The following ULK4 variants were observed in gnomAD, a reference collection of about 807,000 sequenced individuals.
The protein encoded by ULK4 is inactive serine/threonine-protein kinase ULK4.
Under a neutral mutation model 160.6 loss-of-function variants are expected in ULK4, and 133 were observed. The ratio of observed to expected loss-of-function variants is 0.83; its 90% confidence interval spans 0.72 to 0.96. The LOEUF (loss-of-function observed/expected upper bound fraction) is 0.96. Among genes scored for constraint, ULK4 ranks in the 40% least tolerant of loss-of-function variants. The pLI is 0.00. For synonymous variants in ULK4, 534 were observed against 539.8 expected, an observed-to-expected ratio of 0.99 and a Z score of 0.15; for missense variants, 1,580 against 1,499.5, an observed-to-expected ratio of 1.05 and a Z score of -0.89.
At chr3:41,722,159 A>G (rs1475988564) in intron 22 of ULK4, among the ~76,000 whole-genome samples, 1 of 152,174 alleles carries the variant, frequency 6.6e-6, no homozygotes, top group Admixed American at 6.5e-5. Context: ...GGTAGCTGCT[A>G]TCATCACCAC....
chr3:41,650,304 C>G (rs1019213974), intron 30 of ULK4, among the ~76,000 whole-genome samples: 1 of 152,218 alleles, frequency 6.6e-6, no homozygotes, highest in South Asian at 2.1e-4. Flanking sequence ...CTGAAACACA[C>G]CCCCTGCTCG....
At chr3:41,768,967 A>C (rs2039261596) in intron 21 of ULK4, among the ~76,000 whole-genome samples, 1 of 152,182 alleles carries the variant, frequency 6.6e-6, no homozygotes, top group South Asian at 2.1e-4. Flanking sequence ...AATCAAAAAA[A>C]TCCTAAGTCA....
rs73830259 is a variant in ULK4 at position 41,579,854 on chromosome 3, C to G, written c.3121-13724G>C. Among the ~76,000 whole-genome samples, 507 of 152,260 alleles carry G rather than the reference C, an allele frequency of 3.3e-3. 3 individuals carry two copies. Among genetic ancestry groups the G allele is most frequent in the African/African-American group, 0.012 (483 of 41,534 alleles). On this transcript the variant is annotated intron_variant, in intron 31 of 36. Transcript: ENST00000301831. ...CCTGCTGACCCGCATGTTGGAGAGA[C>G]GTGCACAGACAGCAGCTCTGTTGCT...
intron 17 of ULK4, among the ~76,000 whole-genome samples, chr3:41,852,336 T>A (rs1470069014): frequency 6.6e-6 from 1 of 152,222 alleles, no homozygotes; most frequent in Admixed American, 6.5e-5. Flanking sequence ...TTAAAAAGTA[T>A]ACTGATCAAT....
intron 18 of ULK4, among the ~76,000 whole-genome samples, chr3:41,822,722 A>ATTTTTTT (rs1199516780): frequency 0.083 from 9,004 of 109,090 alleles, 597 homozygotes; most frequent in Middle Eastern, 0.2. Context: ...CCGGGCTGAG[A>ATTTTTTT]TTTTTTTTTT....
intron 35 of ULK4, among the ~76,000 whole-genome samples, chr3:41,354,943 T>C (rs2080998721): frequency 6.6e-6 from 1 of 152,216 alleles, no homozygotes; most frequent in South Asian, 2.1e-4. Flanking sequence ...GATGGCTATC[T>C]TTCCCTTCTC....
intron 35 of ULK4, among the ~76,000 whole-genome samples, chr3:41,377,497 A>C (rs1242673600): frequency 6.7e-6 from 1 of 150,246 alleles, no homozygotes; most frequent in East Asian, 2.0e-4. Context: ...TAATATCAAG[A>C]ATCTACAATG....
At chr3:41,666,927 T>G (rs1042583542) in intron 29 of ULK4, among the ~76,000 whole-genome samples, 1 of 152,068 alleles carries the variant, frequency 6.6e-6, no homozygotes, top group African/African-American at 2.4e-5. Context: ...GAGAATTACA[T>G]GAGTCCAGGA....
intron 31 of ULK4, among the ~76,000 whole-genome samples, chr3:41,603,462 CAGA>C (rs1033080046): frequency 3.9e-5 from 6 of 152,062 alleles, no homozygotes; most frequent in African/African-American, 1.4e-4. Context: ...GGCAAAGATA[CAGA>C]AGAACTCAAC....
At chr3:41,854,350 T>C (rs1185787446) in intron 17 of ULK4, among the ~76,000 whole-genome samples, 5 of 152,164 alleles carry the variant, frequency 3.3e-5, no homozygotes, top group East Asian at 1.9e-4. Flanking sequence ...GCTATCCTTA[T>C]AGGCCAGAGA....
chr3:41,815,825 T>C (rs2040946176), intron 19 of ULK4, among the ~76,000 whole-genome samples: 3 of 152,270 alleles, frequency 2.0e-5, no homozygotes, highest in African/African-American at 4.8e-5. Flanking sequence ...TAATTACAAA[T>C]AGATTAAAAC....
chr3:41,870,091 A>G (rs1188202547), intron 17 of ULK4, among the ~76,000 whole-genome samples: 2 of 152,214 alleles, frequency 1.3e-5, no homozygotes, highest in Non-Finnish European at 1.5e-5. Context: ...ACTGTTTCCC[A>G]GCATGGAATA....
chr3:41,401,525 G>A (rs781344484), intron 34 of ULK4, among the ~76,000 whole-genome samples: 14 of 152,128 alleles, frequency 9.2e-5, no homozygotes, highest in Non-Finnish European at 1.9e-4. Flanking sequence ...TGTATCTATG[G>A]TGGTTAGAAA....
intron 7 of ULK4, among the ~76,000 whole-genome samples, chr3:41,916,545 T>A (rs1716701): frequency 6.6e-6 from 1 of 151,946 alleles, no homozygotes; most frequent in African/African-American, 2.4e-5. Flanking sequence ...TGCACTACCA[T>A]GCCTGACTAA....
chr3:41,751,453 C>T (rs999028311), intron 22 of ULK4, among the ~76,000 whole-genome samples: 2 of 152,166 alleles, frequency 1.3e-5, no homozygotes, highest in African/African-American at 4.8e-5. Flanking sequence ...CCTACCTTAC[C>T]TCCCCTGCAA....
intron 32 of ULK4, among the ~76,000 whole-genome samples, chr3:41,551,412 C>G (rs55807022): frequency 0.44 from 63,177 of 144,948 alleles, 14,619 homozygotes; most frequent in Middle Eastern, 0.52. Flanking sequence ...GAAGAAGATC[C>G]AAATAAAATC....
intron 34 of ULK4, among the ~76,000 whole-genome samples, chr3:41,408,222 A>G (rs2082334028): frequency 6.6e-6 from 1 of 151,712 alleles, no homozygotes; most frequent in Admixed American, 6.6e-5. Context: ...AGGTCAGGAG[A>G]TCGAGACCAT....
intron 17 of ULK4, among the ~76,000 whole-genome samples, chr3:41,847,635 T>C (rs1240119465): frequency 6.6e-6 from 1 of 152,238 alleles, no homozygotes; most frequent in Non-Finnish European, 1.5e-5. Flanking sequence ...CTTTGCCCTT[T>C]GTTCTAAGTG....
chr3:41,642,114 T>G (rs917086008), intron 30 of ULK4, among the ~76,000 whole-genome samples: 1 of 152,158 alleles, frequency 6.6e-6, no homozygotes, highest in African/African-American at 2.4e-5. Context: ...CCTCAGGTGA[T>G]CCGCCTGCCT....
Sources: allele counts gnomAD v4.1 joint callset (sites outside exome capture counted in the v4.1 genomes callset), GRCh38; gene constraint gnomAD v4.1.1; transcripts MANE v1.5; gene names NCBI Gene and HGNC (gene_info 2026-07-23, HGNC 2026-07-21).